Variants in CYP27C1 observed in about 807,000 individuals in gnomAD.
The protein encoded by CYP27C1 is cytochrome P450 family 27 subfamily C member 1, also known as cytochrome P450 27C1.
A neutral mutation model predicts 40.6 loss-of-function variants in CYP27C1; 29 were observed. That is an observed-to-expected ratio of 0.71 (90% CI 0.53 to 0.97). The LOEUF is 0.97. Among genes scored for constraint, CYP27C1 ranks in the 50% least tolerant of loss-of-function variants. The pLI is 0.00. For synonymous variants in CYP27C1, 198 were observed against 186.8 expected, an observed-to-expected ratio of 1.06 and a Z score of -0.49; for missense variants, 390 against 485.8, an observed-to-expected ratio of 0.80 and a Z score of 1.85.
chr2:127,205,876 C>T, intron 2 of CYP27C1, 24 bp downstream of exon 2: 1 of 491,806 alleles, frequency 2.0e-6, no homozygotes, highest in Non-Finnish European at 2.6e-6. Flanking sequence ...CAGCCCGTGG[C>T]TCAGCCCGGG....
At chr2:127,214,990 A>G (rs893541555) in intron 1 of CYP27C1, among the ~76,000 whole-genome samples, 3 of 151,770 alleles carry the variant, frequency 2.0e-5, no homozygotes, top group South Asian at 2.1e-4. Context: ...TTAGCCAGGC[A>G]TGGTGGCGGG....
At position 127,211,187 on chromosome 2, in the gene CYP27C1, T is replaced by A. The variant is rs904205077; in HGVS notation, c.283-5097A>T. 3.3e-5 allele frequency among the ~76,000 whole-genome samples: 5 copies of A among 152,104 alleles called. No homozygotes were observed. In the East Asian group the frequency reaches 5.8e-4, roughly 18 times the overall value. On this transcript the variant is annotated intron_variant, in intron 1 of 8. Transcript: ENST00000664447. Reference sequence around the variant, plus strand: ...CTGACCACAGTGCAATGAAATTAGATCTTAGGATTAAGAAACTCACTCAAA... The same window carrying A: ...CTGACCACAGTGCAATGAAATTAGAACTTAGGATTAAGAAACTCACTCAAA...
intron 1 of CYP27C1, among the ~76,000 whole-genome samples, chr2:127,216,672 T>C (rs114517209): frequency 3.0e-4 from 46 of 152,300 alleles, no homozygotes; most frequent in Admixed American, 7.2e-4. Context: ...GATATGTTAA[T>C]TATATCTTAA....
Position 127,195,311 on chromosome 2 carries a change from G to C in CYP27C1, c.1214+24C>G. ...AGGGACCTAAGGGACACAGTTTGTT[G>C]ACGGATTCTGGCGAGCCTTTTACCT... On this transcript the variant is annotated intron_variant, in intron 6 of 8. Transcript: ENST00000664447. The surrounding 1 kb of genome is among the most constrained non-coding windows in gnomAD (Gnocchi z 6.2). 1 of 1,613,818 alleles carries C rather than the reference G, an allele frequency of 6.2e-7. No homozygotes were observed. Among genetic ancestry groups the C allele is most frequent in the Non-Finnish European group, 8.5e-7 (1 of 1,179,874 alleles).
At chr2:127,199,636 A>C (rs112793911) in intron 4 of CYP27C1, 97 bp from the exon 5 acceptor site, 8 of 1,329,590 alleles carry the variant, frequency 6.0e-6, no homozygotes, top group African/African-American at 4.4e-5. Context: ...TAACTAAACC[A>C]GTGGCAGGTG....
At chr2:127,216,792 A>G (rs565166015) in intron 1 of CYP27C1, among the ~76,000 whole-genome samples, 71 of 152,372 alleles carry the variant, frequency 4.7e-4, no homozygotes, top group Admixed American at 1.7e-3. Context: ...AGCATGACAC[A>G]GACAGGGCTG....
chr2:127,215,045 C>T (rs1323977918), intron 1 of CYP27C1, among the ~76,000 whole-genome samples: 1 of 149,394 alleles, frequency 6.7e-6, no homozygotes, highest in Non-Finnish European at 1.5e-5. Flanking sequence ...AGGAGAACGG[C>T]GTGAACCCGG....
chr2:127,213,222 C>T (rs1003929024), intron 1 of CYP27C1, among the ~76,000 whole-genome samples: 2 of 151,810 alleles, frequency 1.3e-5, no homozygotes, highest in Non-Finnish European at 2.9e-5. Flanking sequence ...GAATCAATAT[C>T]GTGAAAATGG....
At chr2:127,199,930 G>A (rs1460721397) in intron 4 of CYP27C1, among the ~76,000 whole-genome samples, 1 of 152,188 alleles carries the variant, frequency 6.6e-6, no homozygotes, top group Non-Finnish European at 1.5e-5. Context: ...TATCTGGGAT[G>A]TTACCATACA....
rs1683174541 is a variant in CYP27C1 at position 127,204,583 on chromosome 2, AAG to A, written c.474-1014_474-1013del. 3.3e-5 allele frequency among the ~76,000 whole-genome samples: 3 copies of A among 89,710 alleles called. No homozygotes were observed. The Admixed American group carries it at 4.1e-4, about 12-fold the overall frequency. 58.9% of individuals were successfully genotyped at this position (89,710 alleles called of 152,430 possible). A position where few individuals can be genotyped will look rare whatever the true frequency, so the allele number is the denominator to read the frequency against. On this transcript the variant is annotated intron_variant, in intron 2 of 8. Transcript: ENST00000664447. ...AAAGAAAGAAAGAAAGAAAGAAAGA[AAG>A]AAAGAAAGAAAGAAAGAAAGAAAGA... is the stretch of plus-strand genomic sequence containing the variant.
At chr2:127,204,485 A>AAAGAAAGAAAGAAAGAAAGAAAGGAAGG (rs1336827282) in intron 2 of CYP27C1, among the ~76,000 whole-genome samples, 1 of 60,170 alleles carries the variant, frequency 1.7e-5, no homozygotes, top group African/African-American at 6.8e-5. Flanking sequence ...AGAAAGAAAG[A>AAAGAAAGAAAGAAAGAAAGAAAGGAAGG]AAGGAAGGAA....
At chr2:127,205,559 C>A in intron 2 of CYP27C1, 1 of 454,106 alleles carries the variant, frequency 2.2e-6, no homozygotes, top group Non-Finnish European at 2.9e-6. Context: ...ACCTCCTTTC[C>A]CTGTGCACAG....
chr2:127,204,451 A>AG (rs1491237116), intron 2 of CYP27C1, among the ~76,000 whole-genome samples: 1 of 39,086 alleles, frequency 2.6e-5, no homozygotes, highest in Non-Finnish European at 5.0e-5. Context: ...AAAGAAAGAA[A>AG]GAAAGAAAGA....
At chr2:127,207,598 A>T (rs1683253638) in intron 1 of CYP27C1, among the ~76,000 whole-genome samples, 1 of 152,074 alleles carries the variant, frequency 6.6e-6, no homozygotes, top group South Asian at 2.1e-4. Flanking sequence ...TGAGCTCAGG[A>T]GGTGGAGGTT....
Position 127,201,287 on chromosome 2 carries a change from T to C in CYP27C1, c.718A>G (p.Asn240Asp). The C allele has an allele frequency of 6.2e-7, 1 of 1,614,156 alleles. No homozygotes were observed. Residue 240 changes from asparagine (N) to aspartate (D), a missense_variant, in exon 4 of 9, where the codon AAC (asparagine) becomes GAC (aspartate). Coordinates refer to ENST00000664447, the MANE Select transcript of CYP27C1 (RefSeq NM_001367502.1). The surrounding 1 kb of genome is among the most constrained non-coding windows in gnomAD (Gnocchi z 6.0). ...LYESRLGCLE[N>D]SIPQLTVEYI... ...TCCACAGTCAGCTGTGGGATGCTGT[T>C]TTCCAGGCAGCCCAAACGACTCTCA... is the stretch of plus-strand genomic sequence containing the variant.
In CYP27C1 at chr2:127,196,531, AC is replaced by A. The variant is rs1294961085; in HGVS notation, c.1048-1031del. Reference sequence around the variant, plus strand: ...CACAGTATAAAGGCCTTTCTCTTTCACCAAAAAAAAAAAACTAATTTAAGCA... The same window carrying A: ...CACAGTATAAAGGCCTTTCTCTTTCACAAAAAAAAAAAACTAATTTAAGCA... On this transcript the variant is annotated intron_variant, in intron 5 of 8. Coordinates refer to ENST00000664447, the MANE Select transcript of CYP27C1 (RefSeq NM_001367502.1). This position sits in a 1 kb window ranked among gnomAD's most constrained non-coding sequence, Gnocchi z 4.5. Among the ~76,000 whole-genome samples the A allele has an allele frequency of 3.0e-4, 23 of 77,050 alleles. No homozygotes were observed. The South Asian group carries it at 3.6e-3, about 12-fold the overall frequency. 50.5% of individuals were successfully genotyped at this position (77,050 alleles called of 152,430 possible).
At position 127,183,945 on chromosome 2, in the gene CYP27C1, C is replaced by G. The variant is rs1289289629; in HGVS notation, c.*3326G>C. Among the ~76,000 whole-genome samples, 5 of 152,220 alleles carry G rather than the reference C, an allele frequency of 3.3e-5. No homozygotes were observed. The highest frequency in any genetic ancestry group is 3.3e-4 in the Admixed American group (5 of 15,290). On this transcript the variant is annotated 3_prime_UTR_variant, in exon 9 of 9. Coordinates refer to ENST00000664447, the MANE Select transcript of CYP27C1 (RefSeq NM_001367502.1). This position sits in a 1 kb window ranked among gnomAD's most constrained non-coding sequence, Gnocchi z 5.1. ...CTGCTTCCACAGTTAACAACATCTG[C>G]CTAATCTTGGGTCATCTCTTCCTCC...
In CYP27C1 at chr2:127,219,614, C is replaced by G. The variant is rs1015684265; in HGVS notation, c.282+375G>C. ...CCCTGCCGCCACCTCCCGAGACACCCATTTCCCCCGCCTCTTCCCAGCCGT... is the reference window on the plus strand; with the variant it reads ...CCCTGCCGCCACCTCCCGAGACACCGATTTCCCCCGCCTCTTCCCAGCCGT... On this transcript the variant is annotated intron_variant, in intron 1 of 8. Transcript: ENST00000664447. This position sits in a 1 kb window ranked among gnomAD's most constrained non-coding sequence, Gnocchi z 8.7. 6.6e-6 allele frequency among the ~76,000 whole-genome samples: 1 copy of G among 151,888 alleles called. No individual in the cohort carries two copies. The highest frequency in any genetic ancestry group is 2.4e-5 in the African/African-American group (1 of 41,344).
intron 5 of CYP27C1, among the ~76,000 whole-genome samples, chr2:127,198,460 T>C (rs1024765716): frequency 6.6e-6 from 1 of 152,204 alleles, no homozygotes. Context: ...AGGAATGATT[T>C]GTAAACTTTA....
Sources: allele counts gnomAD v4.1 joint callset (sites outside exome capture counted in the v4.1 genomes callset), GRCh38; gene constraint gnomAD v4.1.1; non-coding constraint Gnocchi (gnomAD v3.1); transcripts MANE v1.5; gene names NCBI Gene and HGNC (gene_info 2026-07-23, HGNC 2026-07-21).